Variants in POU6F2 observed in about 807,000 individuals in gnomAD.
POU6F2 encodes the protein POU domain, class 6, transcription factor 2.
POU6F2 carries 31 observed loss-of-function variants against 71.3 expected under a neutral mutation model. The observed-to-expected ratio is 0.43, with a 90% CI of 0.33 to 0.59. The LOEUF (loss-of-function observed/expected upper bound fraction) is 0.59. Among genes scored for constraint, POU6F2 ranks in the 20% least tolerant of loss-of-function variants. POU6F2 has a pLI of 0.04. For synonymous variants in POU6F2, 347 were observed against 355.7 expected, an observed-to-expected ratio of 0.98 and a Z score of 0.27; for missense variants, 783 against 856.8, an observed-to-expected ratio of 0.91 and a Z score of 1.07.
chr7:38,994,719 C>G (rs1285178944), intron 1 of POU6F2, among the ~76,000 whole-genome samples: 1 of 152,166 alleles, frequency 6.6e-6, no homozygotes, highest in Non-Finnish European at 1.5e-5. Flanking sequence ...CTCTTCCCCT[C>G]CCTGGTTCCC....
At chr7:39,353,521 T>C (rs1227012485) in intron 5 of POU6F2, among the ~76,000 whole-genome samples, 1 of 152,258 alleles carries the variant, frequency 6.6e-6, no homozygotes, top group African/African-American at 2.4e-5. Context: ...TTAAAATTTA[T>C]TTAAAATCAT....
intron 1 of POU6F2, among the ~76,000 whole-genome samples, chr7:39,078,024 T>A (rs11769233): frequency 0.11 from 16,086 of 152,158 alleles, 946 homozygotes; most frequent in Middle Eastern, 0.16. Context: ...TGGTAGATAA[T>A]GGTAGGCCAC....
At chr7:39,181,335 C>G (rs1793429930) in intron 2 of POU6F2, among the ~76,000 whole-genome samples, 1 of 152,186 alleles carries the variant, frequency 6.6e-6, no homozygotes, top group Non-Finnish European at 1.5e-5. Context: ...GCCACCTCAA[C>G]TCTGGCGGCC....
chr7:38,997,173 T>C (rs1426983712), intron 1 of POU6F2, among the ~76,000 whole-genome samples: 1 of 152,230 alleles, frequency 6.6e-6, no homozygotes, highest in East Asian at 1.9e-4. Flanking sequence ...TTGTTCACTA[T>C]TGAGCCAGAT....
At chr7:39,324,072 C>T (rs548421205) in intron 4 of POU6F2, among the ~76,000 whole-genome samples, 1 of 146,310 alleles carries the variant, frequency 6.8e-6, no homozygotes, top group Non-Finnish European at 1.5e-5. Context: ...AGCGCAACTG[C>T]ACTCCAGCCT....
intron 7 of POU6F2, among the ~76,000 whole-genome samples, chr7:39,436,569 CAG>C (rs1788249041): frequency 6.6e-6 from 1 of 152,100 alleles, no homozygotes; most frequent in Non-Finnish European, 1.5e-5. Context: ...CGTCTGCAAG[CAG>C]AGACAATTTG....
intron 2 of POU6F2, among the ~76,000 whole-genome samples, chr7:39,152,566 T>C (rs1792783577): frequency 6.6e-6 from 1 of 152,124 alleles, no homozygotes; most frequent in Admixed American, 6.5e-5. Context: ...GTCTTCTCCC[T>C]GTGGCTGGAT....
intron 2 of POU6F2, among the ~76,000 whole-genome samples, chr7:39,096,552 A>G (rs1257459289): frequency 6.6e-6 from 1 of 152,202 alleles, no homozygotes; most frequent in Non-Finnish European, 1.5e-5. Flanking sequence ...CTTATTTCAC[A>G]CACTTAGGGT....
chr7:39,087,149 TTAATTAATTA>T (rs1562700871), intron 2 of POU6F2, among the ~76,000 whole-genome samples: 184 of 106,806 alleles, frequency 1.7e-3, no homozygotes, highest in Middle Eastern at 0.011. Context: ...GCTTTATTAA[TTAATTAATTA>T]ATTTATTTAT....
At chr7:39,044,053 G>A (rs12670003) in intron 1 of POU6F2, among the ~76,000 whole-genome samples, 43,675 of 151,684 alleles carry the variant, frequency 0.29, 6,958 homozygotes, top group East Asian at 0.73. Flanking sequence ...TATCTCAGAT[G>A]CATTGAAGTA....
intron 4 of POU6F2, among the ~76,000 whole-genome samples, chr7:39,225,153 T>A (rs1046405155): frequency 6.6e-6 from 1 of 152,172 alleles, no homozygotes; most frequent in Non-Finnish European, 1.5e-5. Context: ...TCTATTTAAT[T>A]CAAAATAGCA....
chr7:38,985,472 T>C (rs1430817252), intron 1 of POU6F2, among the ~76,000 whole-genome samples: 1 of 152,078 alleles, frequency 6.6e-6, no homozygotes, highest in African/African-American at 2.4e-5. Flanking sequence ...CTTATATCCT[T>C]AGGGTTACAA....
At chr7:39,417,184 C>T (rs946878561) in intron 6 of POU6F2, among the ~76,000 whole-genome samples, 8 of 152,132 alleles carry the variant, frequency 5.3e-5, no homozygotes, top group African/African-American at 9.7e-5. Context: ...CACATGTGAG[C>T]GACATTAAAC....
intron 4 of POU6F2, among the ~76,000 whole-genome samples, chr7:39,234,979 C>G (rs1348731088): frequency 6.6e-6 from 1 of 152,164 alleles, no homozygotes; most frequent in African/African-American, 2.4e-5. Flanking sequence ...CACTCTAATG[C>G]AACAGAACAA....
intron 4 of POU6F2, among the ~76,000 whole-genome samples, chr7:39,307,967 AAG>A (rs888263145): frequency 4.6e-5 from 7 of 152,124 alleles, no homozygotes; most frequent in Non-Finnish European, 8.8e-5. Flanking sequence ...AAAAAAAAAA[AAG>A]AGTTGTAAGA....
At chr7:39,108,676 T>C (rs1791743355) in intron 2 of POU6F2, among the ~76,000 whole-genome samples, 1 of 152,334 alleles carries the variant, frequency 6.6e-6, no homozygotes, top group East Asian at 1.9e-4. Flanking sequence ...TTTTTTTTTG[T>C]TACTACACTA....
At position 39,190,007 on chromosome 7, in the gene POU6F2, C is replaced by T. The variant is rs367711543; in HGVS notation, c.278-14228C>T. 4.6e-5 allele frequency among the ~76,000 whole-genome samples: 7 copies of T among 152,112 alleles called. No homozygotes were observed. In the East Asian group the frequency reaches 5.8e-4, roughly 13 times the overall value. Reference sequence around the variant, plus strand: ...TGCCCAAGCTCAGGTGATTCTCCCACCCCAGCCTCCCGAGTAGCTGGGACT... The same window carrying T: ...TGCCCAAGCTCAGGTGATTCTCCCATCCCAGCCTCCCGAGTAGCTGGGACT... On this transcript the variant is annotated intron_variant, in intron 2 of 9. Transcript: ENST00000518318.
At chr7:39,329,301 C>G (rs1017509494) in intron 4 of POU6F2, among the ~76,000 whole-genome samples, 1 of 149,464 alleles carries the variant, frequency 6.7e-6, no homozygotes, top group African/African-American at 2.5e-5. Flanking sequence ...GTATATGAGA[C>G]AGAAAGCAAG....
intron 7 of POU6F2, among the ~76,000 whole-genome samples, chr7:39,433,866 G>A (rs1788167132): frequency 6.6e-6 from 1 of 152,314 alleles, no homozygotes; most frequent in East Asian, 1.9e-4. Context: ...CTCATGGAGT[G>A]TCTGGTTAAT....
Sources: gnomAD v4.1 joint callset for allele counts (sites outside exome capture counted in the v4.1 genomes callset) on GRCh38, gnomAD v4.1.1 for gene constraint, MANE v1.5 for transcripts, NCBI Gene and HGNC (gene_info 2026-07-23, HGNC 2026-07-21) for gene names.